The following EXTL3 variants were observed in gnomAD, a reference collection of about 807,000 sequenced individuals.
EXTL3 encodes exostosin-like 3.
EXTL3 carries 27 observed loss-of-function variants against 69.3 expected under a neutral mutation model. The ratio of observed to expected loss-of-function variants is 0.39; its 90% CI spans 0.29 to 0.54. EXTL3 has a LOEUF of 0.54. EXTL3 is among the 20% of genes least tolerant of loss of function. The pLI, the probability that EXTL3 is intolerant of heterozygous loss-of-function variation, is 0.69. For synonymous variants in EXTL3, 511 were observed against 499.4 expected, an observed-to-expected ratio of 1.02 and a Z score of -0.31; for missense variants, 1,003 against 1,231.8, an observed-to-expected ratio of 0.81 and a Z score of 2.78.
At chr8:28,664,133 C>T (rs1296561804) in intron 1 of EXTL3, among the ~76,000 whole-genome samples, 1 of 152,178 alleles carries the variant, frequency 6.6e-6, no homozygotes. Context: ...CCGGATTTGG[C>T]GGGCTGTCAT....
Position 28,716,097 on chromosome 8 carries a change from G to A in EXTL3, c.38G>A (p.Gly13Glu). 6.2e-7 allele frequency: 1 copy of A among 1,612,074 alleles called. No individual in the cohort carries two copies. The highest frequency in any genetic ancestry group is 8.5e-7 in the Non-Finnish European group (1 of 1,180,006). The change falls in exon 3 of 7, where the codon GGG (glycine) becomes GAG (glutamate). Residue 13 changes from glycine to glutamate, a missense_variant. By Grantham distance (98) the Gly-to-Glu change is moderately conservative. Coordinates refer to ENST00000220562, the MANE Select transcript of EXTL3 (RefSeq NM_001440.4). The surrounding 1 kb of genome is among the most constrained non-coding windows in gnomAD (Gnocchi z 7.1). ...ACCATGCTGCGGAATGGGGGCGCGG[G>A]GAACGGAGGTCAGACCTGCATGCTG... ...GYTMLRNGGAGNGGQTCMLRW... is the reference protein window; with the variant it reads ...GYTMLRNGGAENGGQTCMLRW...
rs138762958 is a variant in EXTL3 at position 28,616,665 on chromosome 8, T to G, written n.314+8907T>G. Among the ~76,000 whole-genome samples, 9 of 151,802 alleles carry G rather than the reference T, an allele frequency of 5.9e-5. No individual in the cohort carries two copies. In the East Asian group the frequency reaches 1.7e-3, roughly 29 times the overall value. On this transcript the variant is annotated intron_variant and non_coding_transcript_variant, in intron 2 of 4. Transcript: ENST00000522725. ...AGCCAAAATGTGTGCTCTTCAAGAT[T>G]CTTGCCCAGGGCTGATACCGCCTGA... is the stretch of plus-strand genomic sequence containing the variant.
At chr8:28,680,361 G>A (rs538796031) in intron 1 of EXTL3, among the ~76,000 whole-genome samples, 1 of 136,192 alleles carries the variant, frequency 7.3e-6, no homozygotes, top group East Asian at 2.2e-4. Flanking sequence ...TTGCACTCCA[G>A]CCTGGGCAAC....
In EXTL3 at chr8:28,751,893, C is replaced by T. The variant is rs1263421834; in HGVS notation, c.*1027C>T. 2 of 152,282 alleles carry T rather than the reference C, an allele frequency of 1.3e-5. No homozygotes were observed. The highest frequency in any genetic ancestry group is 2.4e-5 in the African/African-American group (1 of 41,460). 9.4% of individuals were successfully genotyped at this position (152,282 alleles called of 1,614,324 possible). A position where few individuals can be genotyped will look rare whatever the true frequency, so the allele number is the denominator to read the frequency against. ...CTGAAGTGGTTTGCAGGTCAGCCTC[C>T]TCTCCCTAGTGTAGAGCAAGCCAGT... On this transcript the variant is annotated 3_prime_UTR_variant, in exon 7 of 7. Coordinates refer to ENST00000220562, the MANE Select transcript of EXTL3 (RefSeq NM_001440.4).
intron 1 of EXTL3, among the ~76,000 whole-genome samples, chr8:28,677,586 G>C (rs1290761773): frequency 6.6e-6 from 1 of 152,214 alleles, no homozygotes; most frequent in Non-Finnish European, 1.5e-5. Flanking sequence ...CTGTTTGACA[G>C]CTCCCCTGGG....
intron 1 of EXTL3, chr8:28,631,373 T>C (rs577998248): frequency 6.6e-6 from 1 of 152,232 alleles, no homozygotes; most frequent in Admixed American, 6.5e-5. Context: ...GGAGAGTCAC[T>C]TTCAGGAAGT....
intron 1 of EXTL3, among the ~76,000 whole-genome samples, chr8:28,656,855 G>C (rs1474856544): frequency 1.3e-5 from 2 of 152,102 alleles, no homozygotes; most frequent in African/African-American, 2.4e-5. Context: ...TGTTGTTTCT[G>C]AGATGAATGT....
chr8:28,632,070 C>T (rs116211757), intron 1 of EXTL3, among the ~76,000 whole-genome samples: 2,341 of 148,402 alleles, frequency 0.016, 56 homozygotes, highest in African/African-American at 0.051. Flanking sequence ...TCCGGCCTGG[C>T]GACAGAGTGA....
chr8:28,754,639 TATG>T lies in EXTL3; in HGVS notation c.*3777_*3779del, dbSNP rs1563229836. 1 of 152,292 alleles carries T rather than the reference TATG, an allele frequency of 6.6e-6. No homozygotes were observed. The highest frequency in any genetic ancestry group is 1.5e-5 in the Non-Finnish European group (1 of 68,080). 9.4% of individuals were successfully genotyped at this position (152,292 alleles called of 1,614,324 possible). A position where few individuals can be genotyped will look rare whatever the true frequency, so the allele number is the denominator to read the frequency against. ...AAATGTGTCTTCCTATACACAGAGA[TATG>T]ATGTCTGCTTTGAGTCTATACCTGT... On this transcript the variant is annotated 3_prime_UTR_variant, in exon 7 of 7. Coordinates refer to ENST00000220562, the MANE Select transcript of EXTL3 (RefSeq NM_001440.4).
chr8:28,729,356 G>A lies in EXTL3; in HGVS notation c.2149-1867G>A, dbSNP rs548212637. On this transcript the variant is annotated intron_variant, in intron 3 of 6. Coordinates refer to ENST00000220562, the MANE Select transcript of EXTL3 (RefSeq NM_001440.4). ...TCGTGCCTGTAGTCCCAGCACTTTG[G>A]GAGGCCAAGGTGGGCGGATCATGAG... is the stretch of plus-strand genomic sequence containing the variant. 4.2e-3 allele frequency among the ~76,000 whole-genome samples: 636 copies of A among 150,480 alleles called. 2 individuals carry two copies. Among genetic ancestry groups the A allele is most frequent in the Middle Eastern group, 0.021 (6 of 288 alleles).
chr8:28,673,402 G>A (rs932548999), intron 1 of EXTL3, among the ~76,000 whole-genome samples: 2 of 152,282 alleles, frequency 1.3e-5, no homozygotes, highest in South Asian at 2.1e-4. Flanking sequence ...TCATCTGATC[G>A]ATGGAGGGCC....
intron 1 of EXTL3, among the ~76,000 whole-genome samples, chr8:28,666,323 G>C (rs1807196151): frequency 6.6e-6 from 1 of 151,878 alleles, no homozygotes; most frequent in African/African-American, 2.4e-5. Flanking sequence ...TGTCACCCAG[G>C]CTGGACTGCA....
chr8:28,719,194 G>T (rs913999996), intron 3 of EXTL3, among the ~76,000 whole-genome samples: 16 of 152,196 alleles, frequency 1.1e-4, no homozygotes, highest in Admixed American at 2.6e-4. Flanking sequence ...GCAGCAGCAT[G>T]GTGTAATAAG....
At chr8:28,632,608 G>C (rs113258171) in intron 1 of EXTL3, among the ~76,000 whole-genome samples, 51,377 of 144,874 alleles carry the variant, frequency 0.35, 10,149 homozygotes, top group African/African-American at 0.54. Flanking sequence ...GGCTAGAGTA[G>C]AGTGGTACGA....
chr8:28,615,523 TC>T (rs1190219659), intron 2 of EXTL3, among the ~76,000 whole-genome samples: 1 of 152,204 alleles, frequency 6.6e-6, no homozygotes, highest in East Asian at 1.9e-4. Flanking sequence ...CTGATAATTT[TC>T]CTTTCTCAAA....
chr8:28,627,210 TAA>T (rs1021619395), intron 1 of EXTL3, among the ~76,000 whole-genome samples: 1 of 145,244 alleles, frequency 6.9e-6, no homozygotes, highest in Non-Finnish European at 1.5e-5. Context: ...TTAAAAAAAA[TAA>T]AAAAAATTCC....
chr8:28,739,820 C>T (rs1270722074), intron 5 of EXTL3: 2 of 152,184 alleles, frequency 1.3e-5, no homozygotes, highest in Non-Finnish European at 2.9e-5. Context: ...GTGTCAGCAA[C>T]TGGCCAAGAT....
chr8:28,716,206 T>C lies in EXTL3; in HGVS notation c.147T>C (p.Tyr49=). The C allele has an allele frequency of 6.2e-7, 1 of 1,614,212 alleles. No individual in the cohort carries two copies. The highest frequency in any genetic ancestry group is 2.2e-5 in the East Asian group (1 of 44,878). The change falls in exon 3 of 7, where the codon TAT becomes TAC. Residue 49 remains tyrosine (Y), a synonymous_variant. Coordinates refer to ENST00000220562, the MANE Select transcript of EXTL3 (RefSeq NM_001440.4). This position sits in a 1 kb window ranked among gnomAD's most constrained non-coding sequence, Gnocchi z 7.1. ...TCTTCTTCCCGCTCATCGCCCACTA[T>C]TACCTCACCACTCTGGATGAGGCTG... ...ILVFFPLIAH[Y]YLTTLDEADE... is the part of the protein sequence containing the mutation.
chr8:28,711,863 G>A (rs1425346203), intron 1 of EXTL3, among the ~76,000 whole-genome samples: 1 of 152,188 alleles, frequency 6.6e-6, no homozygotes, highest in African/African-American at 2.4e-5. Context: ...GTCCAGGGGA[G>A]AATTGAGAGT....
Sources: gnomAD v4.1 joint callset for allele counts (sites outside exome capture counted in the v4.1 genomes callset) on GRCh38, gnomAD v4.1.1 for gene constraint, Gnocchi (gnomAD v3.1) non-coding constraint, MANE v1.5 for transcripts, NCBI Gene and HGNC (gene_info 2026-07-23, HGNC 2026-07-21) for gene names.